Variants in MSR1 observed in about 807,000 individuals in gnomAD.
The protein encoded by MSR1 is macrophage scavenger receptor types I and II.
A neutral mutation model predicts 47.2 loss-of-function variants in MSR1; 53 were observed. The ratio of observed to expected loss-of-function variants is 1.12; its 90% CI spans 0.90 to 1.41. The LOEUF (loss-of-function observed/expected upper bound fraction) is 1.41, where lower values mean the gene tolerates loss of function less well. MSR1 is among the 40% of genes most tolerant of loss of function. The pLI is 0.00. For missense variants in MSR1, 786 were observed against 546.9 expected, an observed-to-expected ratio of 1.44 and a Z score of -4.36; for synonymous variants, 239 against 185.6, an observed-to-expected ratio of 1.29 and a Z score of -2.34.
chr8:16,128,561 T>C (rs1368795309), intron 8 of MSR1, among the ~76,000 whole-genome samples: 1 of 152,132 alleles, frequency 6.6e-6, no homozygotes, highest in Non-Finnish European at 1.5e-5. Context: ...ATGTCTATAA[T>C]TTAAGCTACT....
At chr8:16,149,106 T>TA (rs1241552232) in intron 7 of MSR1, among the ~76,000 whole-genome samples, 1 of 152,110 alleles carries the variant, frequency 6.6e-6, no homozygotes, top group Non-Finnish European at 1.5e-5. Flanking sequence ...TAATGATGGA[T>TA]ACATGACATT....
intron 7 of MSR1, among the ~76,000 whole-genome samples, chr8:16,145,363 T>C (rs202100259): frequency 2.6e-5 from 4 of 152,074 alleles, no homozygotes; most frequent in African/African-American, 9.7e-5. Flanking sequence ...CTCTAAGAAA[T>C]TGTTAAAAAT....
intron 6 of MSR1, among the ~76,000 whole-genome samples, chr8:16,154,559 G>A (rs1022102265): frequency 1.3e-5 from 2 of 151,912 alleles, no homozygotes; most frequent in East Asian, 1.9e-4. Flanking sequence ...AGTTTAAACA[G>A]ATATATTCCA....
At chr8:16,140,139 T>C (rs1017770671) in intron 8 of MSR1, 1 of 984,782 alleles carries the variant, frequency 1.0e-6, no homozygotes, top group Non-Finnish European at 1.2e-6. Flanking sequence ...TGGTTGAGAA[T>C]AATGTTTGAA....
At chr8:16,184,609 C>A (rs534599541) in intron 1 of MSR1, among the ~76,000 whole-genome samples, 3 of 151,888 alleles carry the variant, frequency 2.0e-5, no homozygotes, top group Admixed American at 2.0e-4. Flanking sequence ...CACAACCTAC[C>A]CAAAATATAA....
intron 4 of MSR1, among the ~76,000 whole-genome samples, chr8:16,167,008 G>A (rs745916664): frequency 2.0e-5 from 3 of 151,972 alleles, no homozygotes; most frequent in Non-Finnish European, 2.9e-5. Context: ...AAGTCTCTGT[G>A]AGTGACTACT....
chr8:16,152,689 A>T (rs181166561), intron 6 of MSR1, among the ~76,000 whole-genome samples: 1 of 152,208 alleles, frequency 6.6e-6, no homozygotes, highest in East Asian at 1.9e-4. Flanking sequence ...TTTAGAAAAG[A>T]AAGTTGCTTC....
chr8:16,178,525 A>G (rs1295060645), intron 1 of MSR1, among the ~76,000 whole-genome samples: 1 of 152,140 alleles, frequency 6.6e-6, no homozygotes, highest in Non-Finnish European at 1.5e-5. Context: ...GGTTGGTTCC[A>G]AGTCTTTGCT....
chr8:16,131,423 C>A (rs912194125), intron 8 of MSR1, among the ~76,000 whole-genome samples: 1 of 119,468 alleles, frequency 8.4e-6, no homozygotes, highest in Non-Finnish European at 1.7e-5. Context: ...TTCTATGTAT[C>A]TGTTTACTCT....
chr8:16,175,175 G>T lies in MSR1; in HGVS notation c.217+12C>A, dbSNP rs967752193. On this transcript the variant is annotated intron_variant, in intron 3 of 9. Coordinates refer to ENST00000262101, the MANE Select transcript of MSR1 (RefSeq NM_138715.3). ...ACGAGTTACTAAATTTCAAAACTCT[G>T]GGTTACGTTACCTGCCACTATTCCA... is the stretch of plus-strand genomic sequence containing the variant. 6.2e-7 allele frequency: 1 copy of T among 1,607,866 alleles called. No homozygotes were observed. Among genetic ancestry groups the T allele is most frequent in the Admixed American group, 1.7e-5 (1 of 59,972 alleles).
intron 4 of MSR1, among the ~76,000 whole-genome samples, chr8:16,167,561 A>G (rs1801350108): frequency 6.6e-6 from 1 of 152,080 alleles, no homozygotes; most frequent in Admixed American, 6.6e-5. Flanking sequence ...AAACAAACAA[A>G]CAAACAAACA....
intron 3 of MSR1, among the ~76,000 whole-genome samples, chr8:16,170,438 C>T (rs1801451044): frequency 6.6e-6 from 1 of 151,892 alleles, no homozygotes; most frequent in South Asian, 2.1e-4. Flanking sequence ...CTGAGGTTTT[C>T]TGTTTTCCTA....
In MSR1 at chr8:16,164,373, G is replaced by C. The variant is rs191441168; in HGVS notation, c.631-122C>G. The C allele has an allele frequency of 6.6e-6, 5 of 753,036 alleles. No homozygotes were observed. The African/African-American group carries it at 8.8e-5, about 13-fold the overall frequency. The allele number at this position is 753,036 out of a possible 1,614,324, so 46.6% of individuals were successfully genotyped here. On this transcript the variant is annotated intron_variant, in intron 4 of 9. Transcript: ENST00000262101. ...ATATTATGGGAGTTTTATGGAATAAGAATATAGAAATTAGAAAACTGTTTT... is the reference window on the plus strand; with the variant it reads ...ATATTATGGGAGTTTTATGGAATAACAATATAGAAATTAGAAAACTGTTTT...
chr8:16,125,979 T>C (rs1392125987), intron 8 of MSR1, among the ~76,000 whole-genome samples: 1 of 152,148 alleles, frequency 6.6e-6, no homozygotes, highest in Non-Finnish European at 1.5e-5. Flanking sequence ...AGATGGTAAA[T>C]GTGAACATTT....
intron 8 of MSR1, among the ~76,000 whole-genome samples, chr8:16,143,350 G>A (rs1292010006): frequency 1.3e-5 from 2 of 152,006 alleles, no homozygotes; most frequent in African/African-American, 4.8e-5. Flanking sequence ...AAGACAAATG[G>A]ATAATGAGAT....
intron 7 of MSR1, among the ~76,000 whole-genome samples, chr8:16,149,264 C>T (rs957948815): frequency 6.6e-6 from 1 of 152,014 alleles, no homozygotes; most frequent in Non-Finnish European, 1.5e-5. Flanking sequence ...TAGAGGAGAC[C>T]ATGTGTGCAT....
At chr8:16,111,472 T>C (rs992408422) in intron 9 of MSR1, among the ~76,000 whole-genome samples, 2 of 152,138 alleles carry the variant, frequency 1.3e-5, no homozygotes, top group African/African-American at 2.4e-5. Flanking sequence ...TGAATTTAGA[T>C]TTCAGCAGTG....
chr8:16,150,371 T>G, intron 6 of MSR1, 60 bp from the exon 7 acceptor site: 2 of 961,824 alleles, frequency 2.1e-6, no homozygotes, highest in Non-Finnish European at 3.0e-6. Context: ...GACTTGAGAG[T>G]ATAATGAAAA....
intron 8 of MSR1, among the ~76,000 whole-genome samples, chr8:16,137,533 T>C (rs1161299690): frequency 6.6e-6 from 1 of 152,122 alleles, no homozygotes; most frequent in African/African-American, 2.4e-5. Flanking sequence ...ATAATACTAG[T>C]GTGGGAATAT....
Sources: allele counts gnomAD v4.1 joint callset (sites outside exome capture counted in the v4.1 genomes callset), GRCh38; gene constraint gnomAD v4.1.1; transcripts MANE v1.5; gene names NCBI Gene and HGNC (gene_info 2026-07-23, HGNC 2026-07-21).